The following ATP10B variants were observed in gnomAD, a reference collection of about 807,000 sequenced individuals.
ATP10B encodes ATPase phospholipid transporting 10B (putative).
A neutral mutation model predicts 141.2 loss-of-function variants in ATP10B; 122 were observed. The observed-to-expected ratio is 0.86, with a 90% CI of 0.75 to 1.00. The LOEUF is 1.00. ATP10B is among the 50% of genes least tolerant of loss of function. The pLI is 0.00. For missense variants in ATP10B, 1,876 were observed against 1,825.3 expected (o/e 1.03, Z -0.51); for synonymous variants, 685 against 692.0 (o/e 0.99, Z 0.16).
chr5:160,584,656 TGAA>T (rs1264586869), intron 24 of ATP10B, among the ~76,000 whole-genome samples: 1 of 152,246 alleles, frequency 6.6e-6, no homozygotes, highest in Non-Finnish European at 1.5e-5. Context: ...CTATCCACTA[TGAA>T]GGCTTTAGCA....
intron 3 of ATP10B, among the ~76,000 whole-genome samples, chr5:160,697,908 T>C (rs956625457): frequency 1.3e-5 from 2 of 152,148 alleles, no homozygotes; most frequent in African/African-American, 4.8e-5. Context: ...CCCCAACTCA[T>C]AAGAGCTTTA....
intron 1 of ATP10B, among the ~76,000 whole-genome samples, chr5:160,817,222 T>C (rs2127955995): frequency 6.6e-6 from 1 of 152,358 alleles, no homozygotes; most frequent in Admixed American, 6.5e-5. Context: ...GGTCCCTGTT[T>C]GCAGATGACA....
At chr5:160,905,739 T>A in the ATP10B span, among the ~76,000 whole-genome samples, 4 of 146,600 alleles carry the variant, frequency 2.7e-5, no homozygotes, top group Non-Finnish European at 4.5e-5. Flanking sequence ...TAAAAAAAAA[T>A]AACCCAACTG....
intron 1 of ATP10B, among the ~76,000 whole-genome samples, chr5:160,789,411 A>G (rs13165950): frequency 0.12 from 18,908 of 152,198 alleles, 1,268 homozygotes; most frequent in African/African-American, 0.14. Flanking sequence ...CTGTGACTAG[A>G]CTACAAACCT....
intron 1 of ATP10B, among the ~76,000 whole-genome samples, chr5:160,835,068 G>T (rs1043744793): frequency 1.3e-5 from 2 of 152,038 alleles, no homozygotes; most frequent in Non-Finnish European, 2.9e-5. Flanking sequence ...AAGTTCCTCT[G>T]AACACATGCT....
At chr5:160,868,383 G>C in the ATP10B span, among the ~76,000 whole-genome samples, 1 of 152,016 alleles carries the variant, frequency 6.6e-6, no homozygotes, top group African/African-American at 2.4e-5. Flanking sequence ...TGACAACAGA[G>C]CTTTAGGCAG....
chr5:160,879,980 C>T, the ATP10B span, among the ~76,000 whole-genome samples: 1 of 151,834 alleles, frequency 6.6e-6, no homozygotes, highest in Admixed American at 6.6e-5. Context: ...AAATTCAAAA[C>T]ACAGCAAACA....
At chr5:160,803,531 C>T (rs192763764) in intron 1 of ATP10B, among the ~76,000 whole-genome samples, 1 of 152,066 alleles carries the variant, frequency 6.6e-6, no homozygotes, top group African/African-American at 2.4e-5. Context: ...CAAAAATTAG[C>T]CGGGCGTGGT....
intron 2 of ATP10B, among the ~76,000 whole-genome samples, chr5:160,781,914 G>A (rs759952968): frequency 2.0e-5 from 3 of 152,150 alleles, no homozygotes; most frequent in African/African-American, 7.2e-5. Flanking sequence ...ACTACAACCT[G>A]CTCCTTATAC....
intron 3 of ATP10B, among the ~76,000 whole-genome samples, chr5:160,708,692 G>A (rs1470446282): frequency 6.6e-6 from 1 of 152,262 alleles, no homozygotes; most frequent in East Asian, 1.9e-4. Context: ...TATAAATTGA[G>A]AAGAGAAGTA....
At position 160,563,284 on chromosome 5, in the gene ATP10B, GT is replaced by G. The variant is rs1399263980; in HGVS notation, c.*2168del. Reference sequence around the variant, plus strand: ...TCCCTGTAAGATGGCACATTGGATGGTCACAGTTGGCTTGATTTACAGAGGG... The same window carrying G: ...TCCCTGTAAGATGGCACATTGGATGGCACAGTTGGCTTGATTTACAGAGGG... On this transcript the variant is annotated 3_prime_UTR_variant, in exon 26 of 26. Coordinates refer to ENST00000327245, the MANE Select transcript of ATP10B (RefSeq NM_025153.3). 10 of 152,140 alleles carry G rather than the reference GT, an allele frequency of 6.6e-5. No individual in the cohort carries two copies. The highest frequency in any genetic ancestry group is 2.2e-4 in the African/African-American group (9 of 41,426). 9.4% of individuals were successfully genotyped at this position (152,140 alleles called of 1,614,324 possible).
In ATP10B at chr5:160,701,095, G is replaced by A. The variant is rs531432042; in HGVS notation, c.-204-12152C>T. Among the ~76,000 whole-genome samples, 11 of 152,198 alleles carry A rather than the reference G, an allele frequency of 7.2e-5. No individual in the cohort carries two copies. The South Asian group carries it at 1.9e-3, about 26-fold the overall frequency. On this transcript the variant is annotated intron_variant, in intron 3 of 25. Transcript: ENST00000327245. ...TCTCTAGCTGTGCTTACTTGGCCTC[G>A]TGATTTGTCCCTCTGCTGCCAGTTT... is the stretch of plus-strand genomic sequence containing the variant.
the ATP10B span, among the ~76,000 whole-genome samples, chr5:160,878,524 A>T: frequency 1.8e-3 from 270 of 152,246 alleles, no homozygotes; most frequent in African/African-American, 6.4e-3. Context: ...CAGAAGACAA[A>T]ATTGACAAAT....
chr5:160,908,743 A>T, the ATP10B span, among the ~76,000 whole-genome samples: 1 of 152,172 alleles, frequency 6.6e-6, no homozygotes, highest in Non-Finnish European at 1.5e-5. Context: ...GGTTATCATC[A>T]TGATAATGAT....
At position 160,620,813 on chromosome 5, in the gene ATP10B, G is replaced by A. The variant is rs947950162; in HGVS notation, c.1950C>T (p.Ser650=). The A allele has an allele frequency of 6.8e-6, 11 of 1,614,086 alleles. No homozygotes were observed. Among genetic ancestry groups the A allele is most frequent in the African/African-American group, 1.3e-5 (1 of 74,940 alleles). ...CTGTGGTGGCCACGTTGGCCCCTAA[G>A]CTCTCCCCGAGGTCTGTGTCAGAGG... ...TAPSDTDLGE[S]LGANVATTDS... is the part of the protein sequence containing the mutation. The change falls in exon 15 of 26, where the codon AGC becomes AGT. Residue 650 remains serine, a synonymous_variant. Coordinates refer to ENST00000327245, the MANE Select transcript of ATP10B (RefSeq NM_025153.3).
chr5:160,704,728 A>G (rs1764876352), intron 3 of ATP10B, among the ~76,000 whole-genome samples: 1 of 152,078 alleles, frequency 6.6e-6, no homozygotes, highest in Non-Finnish European at 1.5e-5. Flanking sequence ...ATCTACACTA[A>G]AAATCATTGT....
chr5:160,896,037 AGC>A, the ATP10B span, among the ~76,000 whole-genome samples: 2 of 152,242 alleles, frequency 1.3e-5, no homozygotes, highest in Admixed American at 6.5e-5. Flanking sequence ...TCTGGGACAC[AGC>A]TAAAGCAGTG....
intron 1 of ATP10B, among the ~76,000 whole-genome samples, chr5:160,829,845 C>T (rs2127975078): frequency 6.6e-6 from 1 of 152,168 alleles, no homozygotes; most frequent in South Asian, 2.1e-4. Context: ...GTTCTAGTTG[C>T]CTTCTGGGGG....
chr5:160,892,073 C>T, the ATP10B span, among the ~76,000 whole-genome samples: 1 of 152,328 alleles, frequency 6.6e-6, no homozygotes, highest in South Asian at 2.1e-4. Context: ...TTGCTTCAGT[C>T]AGTAAATTAA....
Sources: gnomAD v4.1 joint callset for allele counts (sites outside exome capture counted in the v4.1 genomes callset) on GRCh38, gnomAD v4.1.1 for gene constraint, MANE v1.5 for transcripts, NCBI Gene and HGNC (gene_info 2026-07-23, HGNC 2026-07-21) for gene names.